NRP2: variants seen among roughly 807,000 people sequenced by gnomAD.
The protein encoded by NRP2 is neuropilin 2.
Under a neutral mutation model 110.4 loss-of-function variants are expected in NRP2, and 52 were observed. The observed-to-expected ratio is 0.47, with a 90% CI of 0.38 to 0.59. NRP2 has a LOEUF of 0.59. NRP2 is among the 20% of genes least tolerant of loss of function. The pLI is 0.00. For synonymous variants in NRP2, 508 were observed against 468.9 expected, an observed-to-expected ratio of 1.08 and a Z score of -1.08; for missense variants, 1,049 against 1,203.0, an observed-to-expected ratio of 0.87 and a Z score of 1.89.
At chr2:205,765,346 A>G in intron 13 of NRP2, 128 bp from the exon 14 acceptor site, 3 of 706,074 alleles carry the variant, frequency 4.2e-6, no homozygotes, top group Non-Finnish European at 7.6e-6. Context: ...TACCAGGTGC[A>G]ATAACACACA....
In NRP2 at chr2:205,727,995, C is replaced by G; in HGVS notation, c.1095C>G (p.Val365=). 1.2e-6 allele frequency: 2 copies of G among 1,614,156 alleles called. No homozygotes were observed. The highest frequency in any genetic ancestry group is 1.7e-6 in the Non-Finnish European group (2 of 1,180,028). Residue 365 remains valine, a synonymous_variant, in exon 7 of 17, where the codon GTC becomes GTG. Transcript: ENST00000357785. ...GYYVKSYKLE[V]STNGEDWMVY... ...ATGTCAAATCCTACAAGCTGGAAGTCAGCACTAATGGAGAGGACTGGATGG... is the reference window on the plus strand; with the variant it reads ...ATGTCAAATCCTACAAGCTGGAAGTGAGCACTAATGGAGAGGACTGGATGG...
chr2:205,706,411 A>G (rs3771048), intron 2 of NRP2, among the ~76,000 whole-genome samples: 25,504 of 152,120 alleles, frequency 0.17, 2,663 homozygotes, highest in East Asian at 0.43. Flanking sequence ...AGTTTGAAAG[A>G]GATGGTTGAG....
chr2:205,774,390 T>C (rs952011274), intron 15 of NRP2, among the ~76,000 whole-genome samples: 4 of 151,970 alleles, frequency 2.6e-5, no homozygotes, highest in African/African-American at 9.7e-5. Context: ...GGGCAGGCAA[T>C]AAGGTGGGAG....
intron 2 of NRP2, among the ~76,000 whole-genome samples, chr2:205,705,234 G>A (rs2056650299): frequency 6.6e-6 from 1 of 150,874 alleles, no homozygotes; most frequent in South Asian, 2.1e-4. Flanking sequence ...CCAGAAAAGA[G>A]CTTCTGTAAT....
chr2:205,698,395 A>T (rs944995157), intron 2 of NRP2, among the ~76,000 whole-genome samples: 1 of 152,138 alleles, frequency 6.6e-6, no homozygotes. Context: ...AGTTAGTGCC[A>T]TTATGATCTC....
intron 16 of NRP2, among the ~76,000 whole-genome samples, chr2:205,794,170 G>A (rs2058330604): frequency 6.6e-6 from 1 of 152,168 alleles, no homozygotes; most frequent in Admixed American, 6.5e-5. Flanking sequence ...GAGTGCAGTG[G>A]CGCAATCTCG....
At chr2:205,710,643 C>A (rs560546407) in intron 2 of NRP2, among the ~76,000 whole-genome samples, 1 of 152,208 alleles carries the variant, frequency 6.6e-6, no homozygotes, top group Non-Finnish European at 1.5e-5. Context: ...AGGCCTGAAC[C>A]GACCAGAGAC....
chr2:205,687,150 G>A (rs1054091458), intron 1 of NRP2, among the ~76,000 whole-genome samples: 3 of 152,168 alleles, frequency 2.0e-5, no homozygotes, highest in African/African-American at 7.2e-5. Flanking sequence ...GCAGATTCTC[G>A]GTCAATTCAC....
chr2:205,743,050 A>C (rs559110601), intron 8 of NRP2, among the ~76,000 whole-genome samples, 153 bp from the exon 9 acceptor site: 3 of 152,236 alleles, frequency 2.0e-5, no homozygotes, highest in African/African-American at 7.2e-5. Flanking sequence ...CAGGCTCTTA[A>C]CCACAGTGCT....
Position 205,752,848 on chromosome 2 carries a change from G to C in NRP2, c.1917G>C (p.Gln639His). 1 of 1,614,186 alleles carries C rather than the reference G, an allele frequency of 6.2e-7. No homozygotes were observed. The highest frequency in any genetic ancestry group is 2.2e-5 in the East Asian group (1 of 44,884). The change falls in exon 12 of 17, where the codon CAG becomes CAC. Residue 639 changes from glutamine (Q) to histidine (H), a missense_variant. Transcript: ENST00000357785. Reference protein sequence around the residue: ...NCSFEDDKDLQLPSGFNCNFD... With the variant: ...NCSFEDDKDLHLPSGFNCNFD... ...TTCCCCTTTTAGACAAAGATTTGCA[G>C]CTCCCTTCGGGATTCAATTGCAACT... is the stretch of plus-strand genomic sequence containing the variant.
At chr2:205,792,609 A>G (rs1179106553) in intron 16 of NRP2, among the ~76,000 whole-genome samples, 1 of 152,192 alleles carries the variant, frequency 6.6e-6, no homozygotes, top group African/African-American at 2.4e-5. Flanking sequence ...CATAGTCTGA[A>G]TCTTTTGACC....
chr2:205,789,911 G>A (rs1455384519), intron 15 of NRP2, among the ~76,000 whole-genome samples: 1 of 152,142 alleles, frequency 6.6e-6, no homozygotes, highest in Admixed American at 6.5e-5. Flanking sequence ...ATTAGCAAGG[G>A]GACTAGAGAA....
At chr2:205,740,331 A>G (rs1361213397) in intron 7 of NRP2, among the ~76,000 whole-genome samples, 188 bp from the exon 8 acceptor site, 2 of 152,150 alleles carry the variant, frequency 1.3e-5, no homozygotes, top group Admixed American at 1.3e-4. Flanking sequence ...TTCAAGTAGA[A>G]CAGTGTGAGA....
chr2:205,768,959 G>A (rs148831883), intron 15 of NRP2, among the ~76,000 whole-genome samples: 88 of 152,304 alleles, frequency 5.8e-4, no homozygotes, highest in Non-Finnish European at 1.1e-3. Flanking sequence ...AGTGCCATGG[G>A]TCTCTTCTTT....
intron 2 of NRP2, among the ~76,000 whole-genome samples, chr2:205,698,327 A>T (rs547744629): frequency 6.6e-6 from 1 of 152,142 alleles, no homozygotes; most frequent in African/African-American, 2.4e-5. Context: ...TTTAACAAAC[A>T]CTCTTCTAAT....
intron 1 of NRP2, among the ~76,000 whole-genome samples, chr2:205,691,383 G>A (rs940814071): frequency 4.6e-5 from 7 of 152,206 alleles, no homozygotes; most frequent in Non-Finnish European, 7.3e-5. Context: ...ACCAGGGGAA[G>A]GGGAAGGTGT....
At chr2:205,788,445 A>G (rs749125072) in intron 15 of NRP2, among the ~76,000 whole-genome samples, 4 of 152,164 alleles carry the variant, frequency 2.6e-5, no homozygotes, top group Non-Finnish European at 4.4e-5. Context: ...TGACTCTCAC[A>G]TAGATATATG....
At chr2:205,758,555 C>T (rs1445206248) in intron 12 of NRP2, among the ~76,000 whole-genome samples, 1 of 152,200 alleles carries the variant, frequency 6.6e-6, no homozygotes, top group African/African-American at 2.4e-5. Context: ...TGGCCCTGTC[C>T]TCTGTACTTC....
At position 205,766,817 on chromosome 2, in the gene NRP2, A is replaced by G. The variant is rs1234248001; in HGVS notation, c.2425+14A>G. 1 of 1,611,110 alleles carries G rather than the reference A, an allele frequency of 6.2e-7. No individual in the cohort carries two copies. The highest frequency in any genetic ancestry group is 8.5e-7 in the Non-Finnish European group (1 of 1,179,676). Reference sequence around the variant, plus strand: ...CGGCTTTTGCAGGTGAGAATTTTAAAGGTAAAAAAAAATTTTTTTTTTGCA... The same window carrying G: ...CGGCTTTTGCAGGTGAGAATTTTAAGGGTAAAAAAAAATTTTTTTTTTGCA... On this transcript the variant is annotated intron_variant, in intron 15 of 16. Transcript: ENST00000357785.
Sources: gnomAD v4.1 joint callset for allele counts (sites outside exome capture counted in the v4.1 genomes callset) on GRCh38, gnomAD v4.1.1 for gene constraint, MANE v1.5 for transcripts, NCBI Gene and HGNC (gene_info 2026-07-23, HGNC 2026-07-21) for gene names.